Variants in TASP1 observed in about 807,000 individuals in gnomAD.
The protein encoded by TASP1 is taspase 1.
In TASP1, 16 loss-of-function variants were observed where a neutral mutation model predicts 56.6. The ratio of observed to expected loss-of-function variants is 0.28; its 90% CI spans 0.19 to 0.43. TASP1 has a LOEUF of 0.43. Among genes scored for constraint, TASP1 ranks in the 20% least tolerant of loss-of-function variants. The pLI is 1.00. For synonymous variants in TASP1, 179 were observed against 184.2 expected, an observed-to-expected ratio of 0.97 and a Z score of 0.23; for missense variants, 393 against 511.6, an observed-to-expected ratio of 0.77 and a Z score of 2.24.
chr20:13,622,302 G>A (rs980495920), intron 4 of TASP1, among the ~76,000 whole-genome samples: 1 of 152,092 alleles, frequency 6.6e-6, no homozygotes, highest in Non-Finnish European at 1.5e-5. Flanking sequence ...CCACACCCAC[G>A]GACACATGGC....
chr20:13,273,049 G>A, the TASP1 span, among the ~76,000 whole-genome samples: 1,655 of 152,192 alleles, frequency 0.011, 30 homozygotes, highest in African/African-American at 0.037. Context: ...GCCTGGATGC[G>A]GGAGAACGGA....
the TASP1 span, among the ~76,000 whole-genome samples, chr20:13,245,947 T>C: frequency 6.6e-6 from 1 of 152,160 alleles, no homozygotes; most frequent in African/African-American, 2.4e-5. Flanking sequence ...CTCTTTCCGG[T>C]TGCAAAAATT....
At chr20:13,422,072 C>T (rs916595488) in intron 12 of TASP1, among the ~76,000 whole-genome samples, 4 of 151,408 alleles carry the variant, frequency 2.6e-5, no homozygotes, top group Admixed American at 2.6e-4. Flanking sequence ...CTGCCTCAGC[C>T]TCCCTAGTAG....
the TASP1 span, among the ~76,000 whole-genome samples, chr20:13,228,076 G>A: frequency 1.1e-4 from 17 of 150,084 alleles, no homozygotes; most frequent in East Asian, 6.1e-4. Flanking sequence ...GGGTTCAAGC[G>A]ATTCTCGTGC....
chr20:13,145,653 T>G, the TASP1 span, among the ~76,000 whole-genome samples: 2 of 152,110 alleles, frequency 1.3e-5, no homozygotes, highest in African/African-American at 4.8e-5. Context: ...AAAATTCATA[T>G]GGAACCAAAA....
At chr20:13,245,923 C>G in the TASP1 span, among the ~76,000 whole-genome samples, 1 of 152,162 alleles carries the variant, frequency 6.6e-6, no homozygotes, top group East Asian at 1.9e-4. Flanking sequence ...CCGCCCACTC[C>G]GATGTTCTTT....
chr20:13,135,873 G>T, the TASP1 span, among the ~76,000 whole-genome samples: 1 of 152,182 alleles, frequency 6.6e-6, no homozygotes, highest in Non-Finnish European at 1.5e-5. Flanking sequence ...AGGCTGGTGG[G>T]ATAATCACCA....
At chr20:13,342,734 T>C in the TASP1 span, among the ~76,000 whole-genome samples, 1 of 152,154 alleles carries the variant, frequency 6.6e-6, no homozygotes, top group African/African-American at 2.4e-5. Flanking sequence ...CCATAAAAGT[T>C]TGCAAAGGGC....
At chr20:13,164,681 A>G in the TASP1 span, 42 of 1,104,028 alleles carry the variant, frequency 3.8e-5, no homozygotes, top group Middle Eastern at 2.0e-4. Context: ...GAGGCTTGCT[A>G]TTAATCTGGG....
In TASP1 at chr20:13,506,572, GT is replaced by G. The variant is rs1471276872; in HGVS notation, c.874+21860del. On this transcript the variant is annotated intron_variant, in intron 10 of 13. Transcript: ENST00000337743. ...ACCAAGTGAGATTTGTCTCCAGAAT[GT>G]AAGGATGGCTCCCATATGCAAATTT... is the stretch of plus-strand genomic sequence containing the variant. Among the ~76,000 whole-genome samples the G allele has an allele frequency of 9.2e-5, 14 of 152,254 alleles. No homozygotes were observed. In the East Asian group the frequency reaches 2.5e-3, roughly 27 times the overall value.
At chr20:13,331,661 G>GT in the TASP1 span, among the ~76,000 whole-genome samples, 163 of 142,964 alleles carry the variant, frequency 1.1e-3, 1 homozygote, top group African/African-American at 4.0e-3. Flanking sequence ...TGTTTTGGGG[G>GT]TTTTTTTGTG....
intron 6 of TASP1, among the ~76,000 whole-genome samples, chr20:13,574,977 C>A (rs2046846667): frequency 6.6e-6 from 1 of 152,012 alleles, no homozygotes; most frequent in Admixed American, 6.5e-5. Context: ...TATCCCCACA[C>A]ATCCAAAAAG....
the TASP1 span, among the ~76,000 whole-genome samples, chr20:13,233,801 A>C: frequency 6.6e-6 from 1 of 152,158 alleles, no homozygotes; most frequent in Non-Finnish European, 1.5e-5. Context: ...AATGTTCACT[A>C]GGTGCATTCA....
the TASP1 span, among the ~76,000 whole-genome samples, chr20:13,289,638 G>T: frequency 6.6e-6 from 1 of 152,024 alleles, no homozygotes; most frequent in South Asian, 2.1e-4. Context: ...AGAAGAGAAG[G>T]GGAAGGGCAT....
intron 11 of TASP1, among the ~76,000 whole-genome samples, chr20:13,482,696 C>T (rs1181080990): frequency 6.6e-6 from 1 of 152,140 alleles, no homozygotes; most frequent in Non-Finnish European, 1.5e-5. Flanking sequence ...GAGAATGCAT[C>T]TAATAACTCA....
the TASP1 span, chr20:13,221,829 C>T: frequency 2.7e-6 from 4 of 1,457,590 alleles, no homozygotes; most frequent in Non-Finnish European, 3.6e-6. Context: ...CTGCTGCTCA[C>T]GCTGCACATC....
At chr20:13,611,253 T>G (rs1277852875) in intron 4 of TASP1, among the ~76,000 whole-genome samples, 5 of 152,224 alleles carry the variant, frequency 3.3e-5, no homozygotes. Context: ...CAGTGCAGTA[T>G]GCTTGGACTT....
intron 13 of TASP1, among the ~76,000 whole-genome samples, chr20:13,415,423 G>C (rs1385909576): frequency 1.4e-5 from 2 of 146,212 alleles, no homozygotes; most frequent in African/African-American, 5.0e-5. Context: ...CAAATCATTA[G>C]TGTTTTTGTT....
intron 8 of TASP1, among the ~76,000 whole-genome samples, chr20:13,549,271 G>T (rs776473693): frequency 1.3e-5 from 2 of 152,006 alleles, no homozygotes; most frequent in African/African-American, 2.4e-5. Context: ...TAGTTCCTGG[G>T]ACCCGACTAT....
Sources: allele counts gnomAD v4.1 joint callset (sites outside exome capture counted in the v4.1 genomes callset), GRCh38; gene constraint gnomAD v4.1.1; transcripts MANE v1.5; gene names NCBI Gene and HGNC (gene_info 2026-07-23, HGNC 2026-07-21).